Variants in TLN2 observed in about 807,000 individuals in gnomAD.
TLN2 encodes talin 2.
In TLN2, 118 loss-of-function variants were observed where a neutral mutation model predicts 294.7. The ratio of observed to expected loss-of-function variants is 0.40; its 90% CI spans 0.34 to 0.47. TLN2 has a LOEUF of 0.47. Among genes scored for constraint, TLN2 ranks in the 20% least tolerant of loss-of-function variants. The pLI is 0.84. For missense variants in TLN2, 3,083 were observed against 3,282.2 expected, an observed-to-expected ratio of 0.94 and a Z score of 1.48; for synonymous variants, 1,431 against 1,304.5, an observed-to-expected ratio of 1.10 and a Z score of -2.09.
At chr15:62,823,545 G>C (rs1267996676) in intron 54 of TLN2, among the ~76,000 whole-genome samples, 1 of 152,116 alleles carries the variant, frequency 6.6e-6, no homozygotes, top group Non-Finnish European at 1.5e-5. Context: ...TCCTTCTGGG[G>C]AGTATTCACA....
chr15:62,738,069 T>A (rs754779283), intron 29 of TLN2, 145 bp from the exon 30 acceptor site: 16 of 813,312 alleles, frequency 2.0e-5, no homozygotes, highest in Non-Finnish European at 2.9e-5. Context: ...CTGGATGAGG[T>A]GATGTAAGAC....
At chr15:62,786,154 G>A (rs2064638441) in intron 45 of TLN2, among the ~76,000 whole-genome samples, 1 of 152,200 alleles carries the variant, frequency 6.6e-6, no homozygotes, top group South Asian at 2.1e-4. Context: ...AAACTGAGAA[G>A]GTTAGGAGAT....
chr15:62,599,042 G>A (rs896516401), intron 2 of TLN2, among the ~76,000 whole-genome samples: 1 of 152,148 alleles, frequency 6.6e-6, no homozygotes, highest in African/African-American at 2.4e-5. Context: ...GGCTGTGGAT[G>A]GAGTTCCTCC....
intron 33 of TLN2, among the ~76,000 whole-genome samples, chr15:62,749,260 C>A (rs2061786526): frequency 6.6e-6 from 1 of 152,222 alleles, no homozygotes; most frequent in Non-Finnish European, 1.5e-5. Context: ...CCATTGTGCA[C>A]AGCTGGAAAT....
intron 39 of TLN2, 94 bp downstream of exon 39, chr15:62,762,547 G>A: frequency 1.5e-6 from 2 of 1,339,050 alleles, no homozygotes; most frequent in Non-Finnish European, 2.1e-6. Context: ...TAGTGATATT[G>A]TTGATCATTA....
intron 42 of TLN2, among the ~76,000 whole-genome samples, chr15:62,775,300 C>G (rs151138856): frequency 6.6e-6 from 1 of 152,080 alleles, no homozygotes; most frequent in Admixed American, 6.5e-5. Context: ...ACCTTCTGTA[C>G]GAATAAAAAT....
chr15:62,447,311 G>A (rs568037351), intron 1 of TLN2, among the ~76,000 whole-genome samples: 2 of 152,162 alleles, frequency 1.3e-5, no homozygotes, highest in East Asian at 3.9e-4. Context: ...GTTTTACGAG[G>A]TAGTGGGTCC....
At chr15:62,702,337 T>C in intron 18 of TLN2, 137 bp downstream of exon 18, 1 of 1,006,132 alleles carries the variant, frequency 9.9e-7, no homozygotes. Context: ...GTAACTGGAG[T>C]TGTGGAACTG....
chr15:62,826,014 A>G, intron 54 of TLN2, among the ~76,000 whole-genome samples: 1 of 147,954 alleles, frequency 6.8e-6, no homozygotes, highest in Non-Finnish European at 1.5e-5. Flanking sequence ...TGACAGAGTG[A>G]GACTCGGTCT....
At chr15:62,543,400 T>C (rs1442368179) in intron 1 of TLN2, among the ~76,000 whole-genome samples, 1 of 152,248 alleles carries the variant, frequency 6.6e-6, no homozygotes, top group Non-Finnish European at 1.5e-5. Flanking sequence ...ACATGTCCTC[T>C]GTCCTTTTAG....
intron 2 of TLN2, among the ~76,000 whole-genome samples, chr15:62,602,620 G>T (rs1257533055): frequency 6.6e-6 from 1 of 152,166 alleles, no homozygotes; most frequent in Admixed American, 6.5e-5. Flanking sequence ...GGCACAGGCC[G>T]ATTCAGTGTC....
chr15:62,494,413 G>A (rs1290893328), intron 1 of TLN2, among the ~76,000 whole-genome samples: 1 of 152,042 alleles, frequency 6.6e-6, no homozygotes, highest in Non-Finnish European at 1.5e-5. Context: ...TCTCCTCCAG[G>A]CAGATATCTG....
intron 1 of TLN2, among the ~76,000 whole-genome samples, chr15:62,455,368 A>T (rs2036413369): frequency 6.6e-6 from 1 of 152,112 alleles, no homozygotes; most frequent in Non-Finnish European, 1.5e-5. Flanking sequence ...AGCCAGTGGG[A>T]GAGGGTGTTC....
At chr15:62,466,007 A>C (rs1254191763) in intron 1 of TLN2, among the ~76,000 whole-genome samples, 1 of 152,106 alleles carries the variant, frequency 6.6e-6, no homozygotes, top group African/African-American at 2.4e-5. Flanking sequence ...TGATAAGGAG[A>C]AAGCAGTTGC....
chr15:62,710,811 C>T (rs955885929), intron 21 of TLN2, among the ~76,000 whole-genome samples: 6 of 146,656 alleles, frequency 4.1e-5, no homozygotes, highest in East Asian at 2.1e-4. Flanking sequence ...CTGCAAGCTC[C>T]GCCTCCCAGG....
At chr15:62,456,562 G>C (rs1183809582) in intron 1 of TLN2, among the ~76,000 whole-genome samples, 2 of 152,202 alleles carry the variant, frequency 1.3e-5, no homozygotes, top group African/African-American at 4.8e-5. Context: ...GGTAGACTTA[G>C]GTAGTATTTA....
At chr15:62,639,758 C>G (rs933441429) in intron 3 of TLN2, among the ~76,000 whole-genome samples, 2 of 152,208 alleles carry the variant, frequency 1.3e-5, no homozygotes, top group Middle Eastern at 3.2e-3. Flanking sequence ...AGGCCCTGCC[C>G]TCTGGGTTCC....
rs187987764 is a variant in TLN2 at position 62,574,304 on chromosome 15, C to T, written c.-237-15383C>T. ...TTTAAAAAACATGATTAGCCAGGCGCGGTGGCTCAGCCTGTAATTCCAGTG... is the reference window on the plus strand; with the variant it reads ...TTTAAAAAACATGATTAGCCAGGCGTGGTGGCTCAGCCTGTAATTCCAGTG... On this transcript the variant is annotated intron_variant, in intron 1 of 58. Transcript: ENST00000636159. Among the ~76,000 whole-genome samples, 65 of 151,728 alleles carry T rather than the reference C, an allele frequency of 4.3e-4. 1 individual carries two copies. The highest frequency in any genetic ancestry group is 1.4e-3 in the African/African-American group (58 of 41,382).
chr15:62,559,306 C>T (rs1045023777), intron 1 of TLN2, among the ~76,000 whole-genome samples: 1 of 152,134 alleles, frequency 6.6e-6, no homozygotes, highest in Non-Finnish European at 1.5e-5. Flanking sequence ...GCGTGGGCTA[C>T]AATCTAAGTA....
Sources: gnomAD v4.1 joint callset for allele counts (sites outside exome capture counted in the v4.1 genomes callset) on GRCh38, gnomAD v4.1.1 for gene constraint, MANE v1.5 for transcripts, NCBI Gene and HGNC (gene_info 2026-07-23, HGNC 2026-07-21) for gene names.